PTPRD: variants seen among roughly 807,000 people sequenced by gnomAD.
PTPRD encodes receptor-type tyrosine-protein phosphatase delta.
Under a neutral mutation model 214.5 loss-of-function variants are expected in PTPRD, and 34 were observed. That is an observed-to-expected ratio of 0.16 (90% CI 0.12 to 0.21). The LOEUF (loss-of-function observed/expected upper bound fraction) is 0.21, where lower values mean the gene tolerates loss of function less well. PTPRD is among the 10% of genes least tolerant of loss of function. The pLI, the probability that PTPRD is intolerant of heterozygous loss-of-function variation, is 1.00. For synonymous variants in PTPRD, 1,128 were observed against 845.7 expected (o/e 1.33, Z -5.79); for missense variants, 2,545 against 2,398.7 (o/e 1.06, Z -1.27).
At chr9:10,009,982 G>T (rs1407621769) in intron 4 of PTPRD, among the ~76,000 whole-genome samples, 1 of 151,856 alleles carries the variant, frequency 6.6e-6, no homozygotes, top group Non-Finnish European at 1.5e-5. Flanking sequence ...TCCCATCATG[G>T]CCTGAATTAG....
chr9:9,242,197 T>C (rs11506746), intron 9 of PTPRD, among the ~76,000 whole-genome samples: 17,768 of 152,162 alleles, frequency 0.12, 1,333 homozygotes, highest in Non-Finnish European at 0.17. Flanking sequence ...GCTTGTAGAG[T>C]TTCTGCCGAG....
intron 3 of PTPRD, among the ~76,000 whole-genome samples, chr9:10,056,820 C>T (rs2097659750): frequency 6.6e-6 from 1 of 152,126 alleles, no homozygotes; most frequent in Non-Finnish European, 1.5e-5. Flanking sequence ...TGTATTAACT[C>T]TTACAGGTCA....
At chr9:9,280,341 A>C (rs1349141720) in intron 9 of PTPRD, among the ~76,000 whole-genome samples, 1 of 151,336 alleles carries the variant, frequency 6.6e-6, no homozygotes, top group Non-Finnish European at 1.5e-5. Flanking sequence ...GAAATATAAC[A>C]TATAACTGAA....
intron 3 of PTPRD, among the ~76,000 whole-genome samples, chr9:10,325,642 A>G (rs764376522): frequency 6.6e-6 from 1 of 151,954 alleles, no homozygotes; most frequent in Non-Finnish European, 1.5e-5. Context: ...AGGCATTAAA[A>G]ATGTTTAATT....
At chr9:10,273,382 T>C (rs1437385501) in intron 3 of PTPRD, among the ~76,000 whole-genome samples, 1 of 151,994 alleles carries the variant, frequency 6.6e-6, no homozygotes, top group Non-Finnish European at 1.5e-5. Context: ...TATAAGAAAA[T>C]TGTTTTAATA....
intron 8 of PTPRD, among the ~76,000 whole-genome samples, chr9:9,527,651 A>G (rs754381119): frequency 2.1e-4 from 32 of 151,590 alleles, no homozygotes; most frequent in Non-Finnish European, 3.4e-4. Context: ...ATGTATAATA[A>G]CTCTTCAAGC....
chr9:9,378,034 C>T (rs569064846), intron 9 of PTPRD, among the ~76,000 whole-genome samples: 13 of 151,996 alleles, frequency 8.6e-5, no homozygotes, highest in Middle Eastern at 3.2e-3. Context: ...GTATTTCTCA[C>T]CAGACTGATA....
intron 35 of PTPRD, among the ~76,000 whole-genome samples, chr9:8,429,453 T>C (rs2094904939): frequency 6.6e-6 from 1 of 152,186 alleles, no homozygotes; most frequent in African/African-American, 2.4e-5. Flanking sequence ...AATGTCTCTA[T>C]ACGTCTCAAC....
intron 2 of PTPRD, among the ~76,000 whole-genome samples, chr9:10,446,417 C>CTTTTTTT (rs34478548): frequency 7.6e-4 from 71 of 92,960 alleles, no homozygotes; most frequent in African/African-American, 1.1e-3. Context: ...CTATTTTTTT[C>CTTTTTTT]TTTTTTTTTT....
chr9:9,608,032 A>T (rs979893314), intron 7 of PTPRD, among the ~76,000 whole-genome samples: 1 of 152,218 alleles, frequency 6.6e-6, no homozygotes, highest in Non-Finnish European at 1.5e-5. Context: ...TCCACTGCTT[A>T]CTAGGCAAAA....
At chr9:10,092,407 T>C (rs1048038766) in intron 3 of PTPRD, among the ~76,000 whole-genome samples, 9 of 151,392 alleles carry the variant, frequency 5.9e-5, no homozygotes, top group African/African-American at 1.9e-4. Context: ...CAAACACTCC[T>C]CTAAAAGCAT....
At chr9:10,196,946 T>C (rs570145056) in intron 3 of PTPRD, among the ~76,000 whole-genome samples, 1 of 152,150 alleles carries the variant, frequency 6.6e-6, no homozygotes, top group South Asian at 2.1e-4. Flanking sequence ...TGGTCCTCTA[T>C]GAACAAAGAA....
At chr9:8,604,694 T>C (rs1235076285) in intron 14 of PTPRD, among the ~76,000 whole-genome samples, 1 of 152,120 alleles carries the variant, frequency 6.6e-6, no homozygotes, top group African/African-American at 2.4e-5. Context: ...TTAAGATGCA[T>C]TTCTGAAGTA....
intron 3 of PTPRD, among the ~76,000 whole-genome samples, chr9:10,051,719 G>A (rs981773944): frequency 2.0e-5 from 3 of 151,518 alleles, no homozygotes; most frequent in Non-Finnish European, 2.9e-5. Context: ...ATGGTGTATT[G>A]CTTCTTCTGT....
chr9:9,951,567 T>C (rs905532086), intron 4 of PTPRD, among the ~76,000 whole-genome samples: 8 of 152,246 alleles, frequency 5.3e-5, no homozygotes, highest in African/African-American at 1.9e-4. Context: ...CCAATGTTTC[T>C]GAGTAAAGTT....
intron 9 of PTPRD, among the ~76,000 whole-genome samples, chr9:9,192,547 C>T (rs1010620213): frequency 1.3e-5 from 2 of 151,988 alleles, no homozygotes; most frequent in African/African-American, 4.8e-5. Flanking sequence ...TCATAATTTC[C>T]CTTTATTCTT....
intron 11 of PTPRD, among the ~76,000 whole-genome samples, chr9:8,952,025 A>G (rs561627791): frequency 1.2e-4 from 18 of 152,156 alleles, no homozygotes; most frequent in African/African-American, 4.3e-4. Flanking sequence ...ATACACATAT[A>G]TAAAAATATA....
intron 11 of PTPRD, among the ~76,000 whole-genome samples, chr9:9,002,434 T>A (rs1016643992): frequency 1.3e-5 from 2 of 152,012 alleles, no homozygotes; most frequent in Non-Finnish European, 2.9e-5. Context: ...TACACCACTA[T>A]TAGTGAAAAA....
At chr9:9,388,232 A>C (rs1441490718) in intron 9 of PTPRD, among the ~76,000 whole-genome samples, 1 of 151,954 alleles carries the variant, frequency 6.6e-6, no homozygotes, top group Non-Finnish European at 1.5e-5. Flanking sequence ...TTGGGTTTTT[A>C]TAGGCCCAGG....
Sources: allele counts gnomAD v4.1 joint callset (sites outside exome capture counted in the v4.1 genomes callset), GRCh38; gene constraint gnomAD v4.1.1; transcripts MANE v1.5; gene names NCBI Gene and HGNC (gene_info 2026-07-23, HGNC 2026-07-21).